SLC6A16: variants seen among roughly 807,000 people sequenced by gnomAD.
SLC6A16 encodes the protein solute carrier family 6 member 16.
In SLC6A16, 54 loss-of-function variants were observed where a neutral mutation model predicts 65.4. That is an observed-to-expected ratio of 0.83 (90% CI 0.66 to 1.04). The LOEUF (loss-of-function observed/expected upper bound fraction) is 1.04, where lower values mean the gene tolerates loss of function less well. Ranked by LOEUF, SLC6A16 falls within the 50% of genes least tolerant of loss-of-function variation. SLC6A16 has a pLI of 0.00. For synonymous variants in SLC6A16, 330 were observed against 346.5 expected (o/e 0.95, Z 0.53); for missense variants, 816 against 914.0 (o/e 0.89, Z 1.38).
intron 1 of SLC6A16, among the ~76,000 whole-genome samples, chr19:49,316,986 A>T (rs1970623374): frequency 1.3e-5 from 2 of 151,942 alleles, no homozygotes; most frequent in South Asian, 4.2e-4. Context: ...GCAGTGGGCT[A>T]TGATCACACC....
intron 1 of SLC6A16, among the ~76,000 whole-genome samples, chr19:49,319,509 ATG>A (rs2146168641): frequency 6.6e-6 from 1 of 150,874 alleles, no homozygotes; most frequent in African/African-American, 2.4e-5. Context: ...ATATGTGTAT[ATG>A]TGTATATGTA....
chr19:49,338,118 C>A, the SLC6A16 span: 1 of 1,529,826 alleles, frequency 6.5e-7, no homozygotes, highest in South Asian at 1.2e-5. This position sits in a 1 kb window ranked among gnomAD's most constrained non-coding sequence, Gnocchi z 5.0. Flanking sequence ...GGCCCGACCC[C>A]CAGCTCTACG....
chr19:49,339,945 G>A, the SLC6A16 span: 3 of 1,391,636 alleles, frequency 2.2e-6, no homozygotes, highest in East Asian at 5.6e-5. This position sits in a 1 kb window ranked among gnomAD's most constrained non-coding sequence, Gnocchi z 4.5. Flanking sequence ...CAGAATTAGA[G>A]GAGGCACAAT....
intron 1 of SLC6A16, among the ~76,000 whole-genome samples, chr19:49,317,533 G>C (rs950823203): frequency 6.6e-6 from 1 of 152,044 alleles, no homozygotes; most frequent in Non-Finnish European, 1.5e-5. Context: ...TAGGCCAGGC[G>C]CCGTGGCTCA....
At chr19:49,324,117 G>A (rs1315776033) in intron 1 of SLC6A16, among the ~76,000 whole-genome samples, 8 of 152,116 alleles carry the variant, frequency 5.3e-5, no homozygotes, top group African/African-American at 1.7e-4. Flanking sequence ...ATCGGCTGAG[G>A]TCAGGAGCTC....
the SLC6A16 span, chr19:49,336,927 T>C: frequency 6.2e-6 from 10 of 1,614,062 alleles, no homozygotes; most frequent in Non-Finnish European, 8.5e-6. Context: ...TTCGTGCCTC[T>C]GCAGATCTGG....
chr19:49,337,101 G>C, the SLC6A16 span: 1 of 1,613,962 alleles, frequency 6.2e-7, no homozygotes, highest in Non-Finnish European at 8.5e-7. Flanking sequence ...GGCCTGGGCC[G>C]GGGTTGCAGG....
chr19:49,339,516 G>A, the SLC6A16 span: 1 of 1,494,638 alleles, frequency 6.7e-7, no homozygotes, highest in Non-Finnish European at 9.1e-7. The surrounding 1 kb of genome is among the most constrained non-coding windows in gnomAD (Gnocchi z 4.5). Flanking sequence ...AGCTCAGGGC[G>A]GAGCGCAGCC....
At chr19:49,330,343 GA>G in the SLC6A16 span, among the ~76,000 whole-genome samples, 2 of 152,114 alleles carry the variant, frequency 1.3e-5, no homozygotes, top group Non-Finnish European at 2.9e-5. Flanking sequence ...CAGTTCAGGG[GA>G]AAGTTTGAGG....
intron 9 of SLC6A16, 105 bp from the exon 10 acceptor site, chr19:49,293,487 G>A (rs185070554): frequency 7.6e-6 from 8 of 1,056,872 alleles, no homozygotes; most frequent in African/African-American, 3.2e-5. Flanking sequence ...AGTGGTAGCC[G>A]GGCGAGGGGG....
At chr19:49,339,653 C>T in the SLC6A16 span, 2 of 1,428,236 alleles carry the variant, frequency 1.4e-6, no homozygotes, top group Non-Finnish European at 1.8e-6. The surrounding 1 kb of genome is among the most constrained non-coding windows in gnomAD (Gnocchi z 4.5). Context: ...CCCCTTTCTC[C>T]GCAGATGACT....
chr19:49,309,924 TTC>T, intron 4 of SLC6A16, 98 bp from the exon 5 acceptor site: 1 of 1,496,742 alleles, frequency 6.7e-7, no homozygotes, highest in Non-Finnish European at 9.2e-7. Context: ...CCTCTCCCAT[TTC>T]TTTTTCCTTC....
At chr19:49,338,187 A>C in the SLC6A16 span, 3 of 1,437,980 alleles carry the variant, frequency 2.1e-6, no homozygotes, top group Non-Finnish European at 2.7e-6. The surrounding 1 kb of genome is among the most constrained non-coding windows in gnomAD (Gnocchi z 5.0). Flanking sequence ...AGATGACACA[A>C]CTGTCCCCGG....
At chr19:49,293,482 T>G (rs965816192) in intron 9 of SLC6A16, 100 bp from the exon 10 acceptor site, 2 of 1,175,670 alleles carry the variant, frequency 1.7e-6, no homozygotes, top group East Asian at 5.0e-5. Flanking sequence ...GACCCAGTGG[T>G]AGCCGGGCGA....
the SLC6A16 span, chr19:49,338,978 G>C: frequency 6.7e-7 from 1 of 1,495,024 alleles, no homozygotes; most frequent in South Asian, 1.1e-5. This position sits in a 1 kb window ranked among gnomAD's most constrained non-coding sequence, Gnocchi z 5.0. Flanking sequence ...AATGGGGCGG[G>C]GCCTGCGGGA....
the SLC6A16 span, among the ~76,000 whole-genome samples, chr19:49,331,291 C>T: frequency 6.6e-6 from 1 of 152,228 alleles, no homozygotes; most frequent in East Asian, 1.9e-4. Context: ...AGCAGTCCTC[C>T]CACCTCAGCC....
Position 49,311,022 on chromosome 19 carries a change from T to G in SLC6A16, c.326A>C (p.Lys109Thr). The G allele has an allele frequency of 6.2e-7, 1 of 1,614,232 alleles. No homozygotes were observed. The highest frequency in any genetic ancestry group is 8.5e-7 in the Non-Finnish European group (1 of 1,180,038). The stretch of plus-strand genomic sequence containing the variant: ...CACCTGAGCCAGAATATACTCAGTT[T>G]TGCTGGACCAGAACGGACGGGCAAG... Reference protein sequence around the residue: ...VLLARPFWSSKTEYILAQVGF... With the variant: ...VLLARPFWSSTTEYILAQVGF... The change falls in exon 2 of 12, where the codon AAA (lysine) becomes ACA (threonine). Residue 109 changes from lysine to threonine, a missense_variant. By Grantham distance (78) the Lys-to-Thr change is moderately conservative (BLOSUM62 -1). Coordinates refer to ENST00000335875, the MANE Select transcript of SLC6A16 (RefSeq NM_014037.3).
At position 49,311,409 on chromosome 19, in the gene SLC6A16, G is replaced by A. The variant is rs1029004419; in HGVS notation, c.-62C>T. The A allele has an allele frequency of 8.0e-6, 12 of 1,494,136 alleles. No individual in the cohort carries two copies. Among genetic ancestry groups the A allele is most frequent in the Non-Finnish European group, 9.8e-6 (11 of 1,119,448 alleles). 92.6% of individuals were successfully genotyped at this position (1,494,136 alleles called of 1,614,324 possible). ...AAGGGAGGGTTCATCTTCCTGAGGA[G>A]ACCTGAAGGACACCAAAATCTGTAG... On this transcript the variant is annotated splice_region_variant and 5_prime_UTR_variant, in exon 2 of 12. Transcript: ENST00000335875.
chr19:49,304,299 T>C (rs1198443733), intron 7 of SLC6A16, among the ~76,000 whole-genome samples: 1 of 152,142 alleles, frequency 6.6e-6, no homozygotes, highest in African/African-American at 2.4e-5. Flanking sequence ...ACAAAAACTA[T>C]AACCACGCAT....
Sources: gnomAD v4.1 joint callset for allele counts (sites outside exome capture counted in the v4.1 genomes callset) on GRCh38, gnomAD v4.1.1 for gene constraint, Gnocchi (gnomAD v3.1) non-coding constraint, MANE v1.5 for transcripts, NCBI Gene and HGNC (gene_info 2026-07-23, HGNC 2026-07-21) for gene names.